Variants in NCOR2 observed in about 807,000 individuals in gnomAD.
NCOR2 encodes the protein nuclear receptor corepressor 2, also known as CTG repeat protein 26.
In NCOR2, 81 loss-of-function variants were observed where a neutral mutation model predicts 262.9. That is an observed-to-expected ratio of 0.31 (90% confidence interval 0.26 to 0.37). The LOEUF (loss-of-function observed/expected upper bound fraction) is 0.37. Among genes scored for constraint, NCOR2 ranks in the 10% least tolerant of loss-of-function variants. The pLI is 1.00. For synonymous variants in NCOR2, 1,659 were observed against 1,559.3 expected, an observed-to-expected ratio of 1.06 and a Z score of -1.51; for missense variants, 3,385 against 3,621.4, an observed-to-expected ratio of 0.93 and a Z score of 1.68.
rs911420108 is a variant in NCOR2, at chr12:124,482,235, C to T, written c.411+1361G>A. ...CCAAGCCAGCCAACGACCACACAGACACCCCAGCCCCTCCCTCCCCTGGCC... is the reference window on the plus strand; with the variant it reads ...CCAAGCCAGCCAACGACCACACAGATACCCCAGCCCCTCCCTCCCCTGGCC... On this transcript the variant is annotated intron_variant, in intron 3 of 46. Coordinates refer to ENST00000405201, the Ensembl canonical transcript of NCOR2. The surrounding 1 kb of genome is among the most constrained non-coding windows in gnomAD (Gnocchi z 6.3). Among the ~76,000 whole-genome samples the T allele has an allele frequency of 2.0e-5, 3 of 152,258 alleles. No individual in the cohort carries two copies. Among genetic ancestry groups the T allele is most frequent in the Admixed American group, 6.5e-5 (1 of 15,302 alleles).
At chr12:124,552,053 C>T (rs901608116) in intron 1 of NCOR2, among the ~76,000 whole-genome samples, 57 of 152,098 alleles carry the variant, frequency 3.7e-4, no homozygotes, top group African/African-American at 1.2e-3. Context: ...GGTGCAGTGG[C>T]TCACACCTGT....
At chr12:124,553,527 C>T (rs557644200) in intron 1 of NCOR2, among the ~76,000 whole-genome samples, 2 of 152,348 alleles carry the variant, frequency 1.3e-5, no homozygotes, top group Non-Finnish European at 2.9e-5. Flanking sequence ...TCCACTGCTA[C>T]ACAGCATGGG....
chr12:124,466,139 C>G, intron 5 of NCOR2, 34 bp downstream of exon 7: 1 of 1,574,816 alleles, frequency 6.3e-7, no homozygotes. Context: ...ATGGCCAGCA[C>G]CGGGGGGCAG....
chr12:124,452,708 A>G (rs2045621915), intron 6 of NCOR2, among the ~76,000 whole-genome samples: 1 of 152,198 alleles, frequency 6.6e-6, no homozygotes, highest in Admixed American at 6.5e-5. Flanking sequence ...GAAATGCAGG[A>G]CCGGCTCCCG....
intron 16 of NCOR2, among the ~76,000 whole-genome samples, chr12:124,387,275 C>T (rs1460614968): frequency 1.4e-5 from 2 of 141,388 alleles, no homozygotes; most frequent in Non-Finnish European, 3.0e-5. Flanking sequence ...CTGCCTGCTA[C>T]ACACAAGGCT....
exon 20 of NCOR2, chr12:124,372,053 C>T (rs1203755015): frequency 1.2e-6 from 2 of 1,600,732 alleles, no homozygotes; most frequent in East Asian, 4.5e-5. Flanking sequence ...GCCTCATCCA[C>T]CTCGTCTGCA....
At chr12:124,543,347 C>G (rs1176163027) in intron 1 of NCOR2, among the ~76,000 whole-genome samples, 1 of 152,240 alleles carries the variant, frequency 6.6e-6, no homozygotes, top group Admixed American at 6.5e-5. Context: ...AAAACCATGA[C>G]AACGATCATC....
rs577923481 is a variant in NCOR2, at chr12:124,422,798, A to G, written c.1329-243T>C. On this transcript the variant is annotated intron_variant, in intron 11 of 46. Coordinates refer to ENST00000405201, the Ensembl canonical transcript of NCOR2. ...CACTGGCTTTAGCGCCTTTGAAAAT[A>G]TATTTGTTTGTCCTGCTGGAGGCGG... Among the ~76,000 whole-genome samples the G allele has an allele frequency of 1.7e-3, 262 of 152,312 alleles. 1 individual carries two copies. The highest frequency in any genetic ancestry group is 5.9e-3 in the African/African-American group (246 of 41,562).
At chr12:124,382,242 G>A (rs1041131042) in intron 17 of NCOR2, among the ~76,000 whole-genome samples, 2 of 152,352 alleles carry the variant, frequency 1.3e-5, no homozygotes, top group African/African-American at 2.4e-5. Context: ...TTACTGCAGC[G>A]ATGGGGAGCT....
intron 10 of NCOR2, among the ~76,000 whole-genome samples, chr12:124,427,512 C>T (rs984692553): frequency 2.6e-5 from 4 of 152,212 alleles, no homozygotes; most frequent in Admixed American, 1.3e-4. Context: ...GCGAGGACTC[C>T]GCGTAGCCAA....
intron 8 of NCOR2, among the ~76,000 whole-genome samples, chr12:124,434,312 G>C (rs1476997762): frequency 6.6e-6 from 1 of 152,146 alleles, no homozygotes; most frequent in Admixed American, 6.5e-5. Context: ...ATGAAGTCAG[G>C]GACTTCGGCT....
chr12:124,370,029 G>A (rs1389637217), intron 20 of NCOR2, among the ~76,000 whole-genome samples: 2 of 152,172 alleles, frequency 1.3e-5, no homozygotes, highest in African/African-American at 2.4e-5. Flanking sequence ...GTCCCCCGGC[G>A]AAGGCAGAAA....
chr12:124,427,847 C>A (rs2043645347), intron 10 of NCOR2, among the ~76,000 whole-genome samples: 1 of 152,188 alleles, frequency 6.6e-6, no homozygotes, highest in African/African-American at 2.4e-5. Context: ...TGTGCTCTGA[C>A]CACAGGAAGC....
chr12:124,522,631 A>G (rs1165702359), intron 1 of NCOR2, among the ~76,000 whole-genome samples: 1 of 152,272 alleles, frequency 6.6e-6, no homozygotes, highest in African/African-American at 2.4e-5. Context: ...TCATATTCAC[A>G]GTTTCCAAGT....
intron 44 of NCOR2, 119 bp downstream of exon 46, chr12:124,330,726 A>C: frequency 1.7e-6 from 2 of 1,150,890 alleles, no homozygotes; most frequent in Non-Finnish European, 2.5e-6. Flanking sequence ...TTCATCCCAG[A>C]ATGAGGGGGT....
chr12:124,367,944 G>A (rs995550312), intron 20 of NCOR2, among the ~76,000 whole-genome samples: 2 of 152,184 alleles, frequency 1.3e-5, no homozygotes, highest in Non-Finnish European at 2.9e-5. Context: ...TCTCTCCTTT[G>A]TTTTCTTGGA....
chr12:124,334,641 G>C (rs915139841), intron 40 of NCOR2, 24 bp from the exon 43 acceptor site: 12 of 1,319,240 alleles, frequency 9.1e-6, no homozygotes, highest in Non-Finnish European at 1.2e-5. Context: ...GGGGGGCCCA[G>C]AGTCAGGCAG....
intron 1 of NCOR2, among the ~76,000 whole-genome samples, chr12:124,506,396 C>T (rs1196501743): frequency 6.6e-6 from 1 of 152,148 alleles, no homozygotes; most frequent in Non-Finnish European, 1.5e-5. Context: ...ATAATTGGAG[C>T]GTTCCTGTCC....
chr12:124,357,909 G>GTA (rs1404910688), intron 22 of NCOR2, among the ~76,000 whole-genome samples: 2 of 151,406 alleles, frequency 1.3e-5, no homozygotes, highest in South Asian at 2.1e-4. Context: ...TGATATGTGT[G>GTA]TGTGCGTGCG....
Sources: gnomAD v4.1 joint callset for allele counts (sites outside exome capture counted in the v4.1 genomes callset) on GRCh38, gnomAD v4.1.1 for gene constraint, Gnocchi (gnomAD v3.1) non-coding constraint, MANE v1.5 for transcripts, NCBI Gene and HGNC (gene_info 2026-07-23, HGNC 2026-07-21) for gene names.